SLC22A24: variants seen among roughly 807,000 people sequenced by gnomAD.
SLC22A24 encodes steroid transmembrane transporter SLC22A24.
A neutral mutation model predicts 49.8 loss-of-function variants in SLC22A24; 53 were observed. That is an observed-to-expected ratio of 1.06 (90% CI 0.85 to 1.34). SLC22A24 has a LOEUF of 1.34. Among genes scored for constraint, SLC22A24 ranks in the 40% most tolerant of loss-of-function variants. The pLI is 0.00. For synonymous variants in SLC22A24, 302 were observed against 256.4 expected, an observed-to-expected ratio of 1.18 and a Z score of -1.70; for missense variants, 786 against 675.9, an observed-to-expected ratio of 1.16 and a Z score of -1.81.
In SLC22A24 at chr11:63,118,904, G is replaced by T. The variant is rs536089248; in HGVS notation, c.830+8C>A. On this transcript the variant is annotated splice_region_variant and intron_variant, in intron 4 of 9. Coordinates refer to ENST00000612278, the MANE Select transcript of SLC22A24 (RefSeq NM_001136506.2). The stretch of plus-strand genomic sequence containing the variant: ...CTTACAGGCAAAGAATGTGGAGATT[G>T]TTCATACCAAGAGGACAAGAAGAGG... 1.5e-5 allele frequency: 23 copies of T among 1,551,976 alleles called. No individual in the cohort carries two copies. In the South Asian group the frequency reaches 2.3e-4, roughly 15 times the overall value.
At chr11:63,128,165 C>T (rs1469736927) in intron 2 of SLC22A24, among the ~76,000 whole-genome samples, 2 of 151,708 alleles carry the variant, frequency 1.3e-5, no homozygotes, top group South Asian at 4.2e-4. Context: ...AATCATCACT[C>T]TACAATTATA....
At chr11:63,101,530 T>C (rs759897993) in intron 5 of SLC22A24, among the ~76,000 whole-genome samples, 21 of 151,964 alleles carry the variant, frequency 1.4e-4, no homozygotes, top group Non-Finnish European at 2.9e-4. Context: ...ATCACTACTA[T>C]AAGGTAAAAA....
At chr11:63,132,474 A>T (rs7949137) in intron 2 of SLC22A24, among the ~76,000 whole-genome samples, 120,899 of 152,008 alleles carry the variant, frequency 0.8, 49,171 homozygotes, top group East Asian at 0.9. Flanking sequence ...TTGGTGTAGA[A>T]GTCCTTTTTG....
At chr11:63,090,502 G>C (rs1253008174) in intron 6 of SLC22A24, among the ~76,000 whole-genome samples, 3 of 151,660 alleles carry the variant, frequency 2.0e-5, no homozygotes, top group Non-Finnish European at 4.4e-5. Context: ...AATCATAACA[G>C]TCTCTCAGAC....
intron 5 of SLC22A24, among the ~76,000 whole-genome samples, chr11:63,102,936 CAG>C (rs1262002854): frequency 6.6e-6 from 1 of 152,108 alleles, no homozygotes; most frequent in African/African-American, 2.4e-5. Flanking sequence ...GTGTTGGAGA[CAG>C]ATGTCTTGTG....
chr11:63,134,516 A>C (rs543151143), intron 2 of SLC22A24, 149 bp downstream of exon 2: 67 of 543,160 alleles, frequency 1.2e-4, no homozygotes, highest in African/African-American at 1.2e-3. Context: ...AAGCATTCTT[A>C]ATCAGCTGTA....
Position 63,143,539 on chromosome 11 carries a change from A to G in SLC22A24, c.241T>C (p.Ser81Pro). The change falls in exon 1 of 10, where the codon TCA becomes CCA. Residue 81 changes from serine (S) to proline (P), a missense_variant. Transcript: ENST00000612278. ...DLLRISIPLD[S>P]NLRPQKCQRF... ...TGACACTTCTGTGGCCTCAGGTTTG[A>G]GTCCAGTGGGATGGAGATTCTCAGG... 1.3e-6 allele frequency: 2 copies of G among 1,588,922 alleles called. No individual in the cohort carries two copies. The highest frequency in any genetic ancestry group is 2.3e-5 in the East Asian group (1 of 43,734).
Position 63,143,919 on chromosome 11 carries a change from A to G in SLC22A24, c.-140T>C, listed in dbSNP as rs2087434773. ...CTGCTTTCTTCTTGGTGGGCCCTGC[A>G]CTGAGTGGTGTGACACTACTGCAGA... On this transcript the variant is annotated 5_prime_UTR_variant, in exon 1 of 10. Coordinates refer to ENST00000612278, the MANE Select transcript of SLC22A24 (RefSeq NM_001136506.2). 1.6e-6 allele frequency: 1 copy of G among 636,592 alleles called. No individual in the cohort carries two copies. Among genetic ancestry groups the G allele is most frequent in the Non-Finnish European group, 2.3e-6 (1 of 439,894 alleles). The allele number at this position is 636,592 out of a possible 1,614,324, so 39.4% of individuals were successfully genotyped here. A position where few individuals can be genotyped will look rare whatever the true frequency, so the allele number is the denominator to read the frequency against.
At chr11:63,129,938 T>A (rs1021145528) in intron 2 of SLC22A24, among the ~76,000 whole-genome samples, 3 of 152,208 alleles carry the variant, frequency 2.0e-5, no homozygotes, top group Admixed American at 6.5e-5. Context: ...CAATTTGATT[T>A]CCCCTTTTTC....
intron 5 of SLC22A24, among the ~76,000 whole-genome samples, chr11:63,101,914 A>G (rs2087093558): frequency 6.6e-6 from 1 of 152,066 alleles, no homozygotes; most frequent in Non-Finnish European, 1.5e-5. Flanking sequence ...GGAGATAAAG[A>G]GTAGAAGGAT....
intron 5 of SLC22A24, among the ~76,000 whole-genome samples, chr11:63,098,023 A>G (rs531724661): frequency 1.3e-5 from 2 of 152,298 alleles, no homozygotes; most frequent in East Asian, 1.9e-4. Flanking sequence ...CCACCATGGC[A>G]CATGTATACC....
chr11:63,113,313 T>C (rs2134661858), intron 4 of SLC22A24, among the ~76,000 whole-genome samples: 1 of 151,220 alleles, frequency 6.6e-6, no homozygotes, highest in East Asian at 1.9e-4. Context: ...TAGCTAGTTA[T>C]TTTGCCTGTT....
chr11:63,110,593 T>C (rs1006312714), intron 4 of SLC22A24, among the ~76,000 whole-genome samples: 12 of 123,966 alleles, frequency 9.7e-5, no homozygotes, highest in African/African-American at 2.8e-4. Context: ...CCTAGGTATT[T>C]TATTCTCTTT....
rs562889281 is a variant in SLC22A24, at chr11:63,097,162, A to G, written c.955-1056T>C. On this transcript the variant is annotated intron_variant, in intron 5 of 9. Transcript: ENST00000612278. ...TACAGAATGGGAGAAAACTTTTGCAATCTATCATCTATCCATCTGTCAAAG... is the reference window on the plus strand; with the variant it reads ...TACAGAATGGGAGAAAACTTTTGCAGTCTATCATCTATCCATCTGTCAAAG... Among the ~76,000 whole-genome samples the G allele has an allele frequency of 4.3e-4, 66 of 152,158 alleles. No homozygotes were observed. The South Asian group carries it at 0.014, about 32-fold the overall frequency.
chr11:63,139,442 A>C (rs2087398955), intron 1 of SLC22A24, among the ~76,000 whole-genome samples: 1 of 152,176 alleles, frequency 6.6e-6, no homozygotes, highest in Non-Finnish European at 1.5e-5. Flanking sequence ...CTTGGTGTGT[A>C]ATAACTAGGT....
intron 1 of SLC22A24, among the ~76,000 whole-genome samples, chr11:63,139,958 A>G (rs758443496): frequency 6.6e-6 from 1 of 152,116 alleles, no homozygotes. Flanking sequence ...GCTCTGATTA[A>G]TTAGCTTAGA....
At position 63,119,310 on chromosome 11, in the gene SLC22A24, A is replaced by G; in HGVS notation, c.532T>C (p.Leu178=). 6.5e-7 allele frequency: 1 copy of G among 1,548,848 alleles called. No homozygotes were observed. The highest frequency in any genetic ancestry group is 8.7e-7 in the Non-Finnish European group (1 of 1,146,206). Residue 178 remains leucine (L), a synonymous_variant, in exon 3 of 10, where the codon TTG becomes CTG. Coordinates refer to ENST00000612278, the MANE Select transcript of SLC22A24 (RefSeq NM_001136506.2). ...GAGATGGCCAGCTGGAGGAAACACA[A>G]TTTGCATATGATCTTCCGTCCAACC... ...DRVGRKIICK[L]CFLQLAISNT...
At chr11:63,131,271 A>T (rs541565477) in intron 2 of SLC22A24, among the ~76,000 whole-genome samples, 1 of 152,096 alleles carries the variant, frequency 6.6e-6, no homozygotes, top group African/African-American at 2.4e-5. Flanking sequence ...CATTTAGCCC[A>T]GTTACATTTA....
At chr11:63,132,063 G>C (rs1012945221) in intron 2 of SLC22A24, among the ~76,000 whole-genome samples, 7 of 151,710 alleles carry the variant, frequency 4.6e-5, no homozygotes, top group African/African-American at 1.7e-4. Context: ...TCTTCCACTT[G>C]ATCCAATAGG....
Sources: allele counts gnomAD v4.1 joint callset (sites outside exome capture counted in the v4.1 genomes callset), GRCh38; gene constraint gnomAD v4.1.1; transcripts MANE v1.5; gene names NCBI Gene and HGNC (gene_info 2026-07-23, HGNC 2026-07-21).